SP1: variants seen among roughly 807,000 people sequenced by gnomAD.
The protein encoded by SP1 is Sp1 transcription factor.
In SP1, 6 loss-of-function variants were observed where a neutral mutation model predicts 66.3. The ratio of observed to expected loss-of-function variants is 0.09; its 90% CI spans 0.05 to 0.18. The LOEUF is 0.18. Among genes scored for constraint, SP1 ranks in the 10% least tolerant of loss-of-function variants. The probability of loss-of-function intolerance (pLI) is 1.00; values close to 1 mark genes in which losing one functional copy is unlikely to be tolerated. For missense variants in SP1, 848 were observed against 964.5 expected (o/e 0.88, Z 1.60); for synonymous variants, 417 against 360.8 (o/e 1.16, Z -1.77).
In SP1 at chr12:53,383,353, T is replaced by C; in HGVS notation, c.1406T>C (p.Leu469Pro). The C allele has an allele frequency of 1.2e-6, 2 of 1,614,210 alleles. No individual in the cohort carries two copies. Among genetic ancestry groups the C allele is most frequent in the Non-Finnish European group, 1.7e-6 (2 of 1,180,036 alleles). Residue 469 changes from leucine (L) to proline (P), a missense_variant, in exon 3 of 6, where the codon CTG (leucine) becomes CCG (proline). Around this residue, in one of 7 missense-constraint regions of SP1, gnomAD observed 606 missense variants for 589.9 expected, o/e 1.03. Transcript: ENST00000327443. ...CAGGTCAGTTGGCAGACTCTACAGCTGCAGAACCTCCAAGTTCAGAACCCA... is the reference window on the plus strand; with the variant it reads ...CAGGTCAGTTGGCAGACTCTACAGCCGCAGAACCTCCAAGTTCAGAACCCA... ...NGQVSWQTLQ[L>P]QNLQVQNPQA...
intron 3 of SP1, among the ~76,000 whole-genome samples, chr12:53,395,493 G>A (rs1029320602): frequency 2.6e-5 from 4 of 152,076 alleles, no homozygotes; most frequent in African/African-American, 9.7e-5. Context: ...ACTTACATAG[G>A]CATTTGCTGA....
In SP1 at chr12:53,412,134, C is replaced by T. The variant is rs927107629; in HGVS notation, c.*894C>T. 2 of 152,152 alleles carry T rather than the reference C, an allele frequency of 1.3e-5. No individual in the cohort carries two copies. The highest frequency in any genetic ancestry group is 1.9e-4 in the East Asian group (1 of 5,190). 9.4% of individuals were successfully genotyped at this position (152,152 alleles called of 1,614,324 possible). On this transcript the variant is annotated 3_prime_UTR_variant, in exon 6 of 6. Transcript: ENST00000327443. ...GAGGGAGTGTTCAAAATACTACTGA[C>T]GCAGGCACCTTCTTGGCGCTGGAGA...
At position 53,385,625 on chromosome 12, in the gene SP1, T is replaced by C. The variant is rs116037486; in HGVS notation, c.1675+2003T>C. Among the ~76,000 whole-genome samples the C allele has an allele frequency of 5.0e-3, 725 of 145,848 alleles. 3 individuals are homozygous for C. The highest frequency in any genetic ancestry group is 0.017 in the African/African-American group (672 of 39,664). On this transcript the variant is annotated intron_variant, in intron 3 of 5. Coordinates refer to ENST00000327443, the MANE Select transcript of SP1 (RefSeq NM_138473.3). Reference sequence around the variant, plus strand: ...AAAAAAAAATAAATAAAAATAAATTTGATTATGGGCTGGGCGCGGTGGCTC... The same window carrying C: ...AAAAAAAAATAAATAAAAATAAATTCGATTATGGGCTGGGCGCGGTGGCTC...
intron 3 of SP1, among the ~76,000 whole-genome samples, chr12:53,393,018 G>GT (rs1938391616): frequency 6.7e-6 from 1 of 150,274 alleles, no homozygotes; most frequent in Admixed American, 6.7e-5. Flanking sequence ...TACAGATGGG[G>GT]TTTCACCATG....
chr12:53,398,877 A>C (rs1938547353), intron 3 of SP1, among the ~76,000 whole-genome samples: 1 of 152,200 alleles, frequency 6.6e-6, no homozygotes, highest in Admixed American at 6.6e-5. Context: ...AATTTACTGA[A>C]ATTTGTCCAA....
Position 53,382,427 on chromosome 12 carries a change from T to G in SP1, c.480T>G (p.Val160=). 6.2e-7 allele frequency: 1 copy of G among 1,614,162 alleles called. No individual in the cohort carries two copies. Among genetic ancestry groups the G allele is most frequent in the Non-Finnish European group, 8.5e-7 (1 of 1,180,026 alleles). The change falls in exon 3 of 6, where the codon GTT becomes GTG. Residue 160 remains valine, a synonymous_variant. Transcript: ENST00000327443. ...AAAPNLQNQQ[V]LTGLPGVMPN... is the part of the protein sequence containing the mutation. ...CTCCCAACTTACAGAACCAGCAAGTTCTGACAGGACTACCTGGAGTGATGC... is the reference window on the plus strand; with the variant it reads ...CTCCCAACTTACAGAACCAGCAAGTGCTGACAGGACTACCTGGAGTGATGC...
At chr12:53,401,866 A>G (rs1330904183) in intron 3 of SP1, among the ~76,000 whole-genome samples, 2 of 152,130 alleles carry the variant, frequency 1.3e-5, no homozygotes, top group Non-Finnish European at 1.5e-5. Context: ...AAGGAGTTTC[A>G]TCATGTTGGC....
chr12:53,381,461 C>A, intron 1 of SP1, 198 bp from the exon 2 acceptor site: 1 of 445,446 alleles, frequency 2.2e-6, no homozygotes, highest in South Asian at 4.4e-5. Context: ...GAATTAAGGC[C>A]CACTTTTGGC....
intron 3 of SP1, among the ~76,000 whole-genome samples, chr12:53,394,560 G>C (rs1277024938): frequency 6.9e-6 from 1 of 144,788 alleles, no homozygotes; most frequent in Non-Finnish European, 1.5e-5. Context: ...CGGCCACTGT[G>C]CTGCGTGGTC....
chr12:53,399,438 A>C (rs1414051428), intron 3 of SP1, among the ~76,000 whole-genome samples: 1 of 150,960 alleles, frequency 6.6e-6, no homozygotes, highest in Non-Finnish European at 1.5e-5. Context: ...AGTTCACGCC[A>C]TTCTTCTGTC....
At chr12:53,409,588 A>G in intron 5 of SP1, 27 bp downstream of exon 5, 1 of 1,562,736 alleles carries the variant, frequency 6.4e-7, no homozygotes, top group Non-Finnish European at 8.8e-7. Flanking sequence ...GGGAGAGAAA[A>G]ATAGTAATAG....
intron 3 of SP1, among the ~76,000 whole-genome samples, chr12:53,388,021 T>C (rs1422275705): frequency 6.6e-6 from 1 of 152,122 alleles, no homozygotes; most frequent in Admixed American, 6.6e-5. Flanking sequence ...GTGTTTTTGA[T>C]TTAAGATTTA....
intron 3 of SP1, among the ~76,000 whole-genome samples, chr12:53,392,132 C>A (rs1938367984): frequency 6.6e-6 from 1 of 152,172 alleles, no homozygotes; most frequent in South Asian, 2.1e-4. Context: ...ATTATGAATC[C>A]TCCTTCTCAC....
intron 3 of SP1, among the ~76,000 whole-genome samples, chr12:53,401,908 A>G (rs1175697218): frequency 6.6e-6 from 1 of 152,062 alleles, no homozygotes; most frequent in African/African-American, 2.4e-5. Flanking sequence ...GCCTCAAGCG[A>G]TCTGTCCAGC....
At chr12:53,400,222 A>G (rs1392923148) in intron 3 of SP1, among the ~76,000 whole-genome samples, 1 of 152,220 alleles carries the variant, frequency 6.6e-6, no homozygotes, top group African/African-American at 2.4e-5. Flanking sequence ...TCACCTCTGT[A>G]GAATTGACTA....
intron 3 of SP1, among the ~76,000 whole-genome samples, chr12:53,401,939 G>A (rs1938618322): frequency 6.6e-6 from 1 of 152,188 alleles, no homozygotes; most frequent in African/African-American, 2.4e-5. Flanking sequence ...AAAGTGTTGG[G>A]ATTATAGGTG....
chr12:53,384,313 C>T (rs1416558784), intron 3 of SP1, among the ~76,000 whole-genome samples: 2 of 147,754 alleles, frequency 1.4e-5, no homozygotes, highest in African/African-American at 5.0e-5. Flanking sequence ...GAGATGGAGT[C>T]TTACTCTGTT....
At chr12:53,410,116 G>A (rs1399817687) in intron 5 of SP1, among the ~76,000 whole-genome samples, 2 of 152,026 alleles carry the variant, frequency 1.3e-5, no homozygotes, top group Non-Finnish European at 2.9e-5. Flanking sequence ...AGACCAGCCT[G>A]GCCAACATGG....
intron 3 of SP1, among the ~76,000 whole-genome samples, chr12:53,402,412 A>G (rs936796226): frequency 1.3e-5 from 2 of 151,524 alleles, no homozygotes; most frequent in African/African-American, 4.8e-5. Flanking sequence ...TTAGTAGAGA[A>G]GGGGTTTCAC....
Sources: allele counts gnomAD v4.1 joint callset (sites outside exome capture counted in the v4.1 genomes callset), GRCh38; gene constraint gnomAD v4.1.1; regional missense constraint gnomAD v4.1.1; transcripts MANE v1.5; gene names NCBI Gene and HGNC (gene_info 2026-07-23, HGNC 2026-07-21).